Variants in EMID1 observed in about 807,000 individuals in gnomAD.
The protein encoded by EMID1 is EMI domain containing 1.
In EMID1, 40 loss-of-function variants were observed where a neutral mutation model predicts 60.6. The ratio of observed to expected loss-of-function variants is 0.66; its 90% CI spans 0.51 to 0.86. The LOEUF is 0.86. EMID1 is among the 40% of genes least tolerant of loss of function. The pLI, the probability that EMID1 is intolerant of heterozygous loss-of-function variation, is 0.00. For missense variants in EMID1, 585 were observed against 597.1 expected (o/e 0.98, Z 0.21); for synonymous variants, 242 against 231.0 (o/e 1.05, Z -0.43).
intron 3 of EMID1, among the ~76,000 whole-genome samples, chr22:29,217,192 G>A (rs2040120896): frequency 6.6e-6 from 1 of 152,258 alleles, no homozygotes; most frequent in Non-Finnish European, 1.5e-5. Flanking sequence ...TGGTCTCTGG[G>A]GCCTTCAAGG....
At chr22:29,241,745 G>GT (rs1490223787) in intron 12 of EMID1, among the ~76,000 whole-genome samples, 1 of 147,314 alleles carries the variant, frequency 6.8e-6, no homozygotes, top group Non-Finnish European at 1.5e-5. Flanking sequence ...GTTTTGTTTT[G>GT]TTTTTAAATC....
intron 14 of EMID1, among the ~76,000 whole-genome samples, 183 bp from the exon 15 acceptor site, chr22:29,258,634 G>A (rs975513107): frequency 1.3e-5 from 2 of 152,206 alleles, no homozygotes; most frequent in Admixed American, 6.5e-5. Flanking sequence ...GGGCTGGTAA[G>A]TCCTGGCGTG....
chr22:29,258,016 G>A (rs970967424), intron 14 of EMID1, among the ~76,000 whole-genome samples: 1 of 152,184 alleles, frequency 6.6e-6, no homozygotes, highest in African/African-American at 2.4e-5. Flanking sequence ...TCATGATTAC[G>A]ACGGACAGCC....
intron 3 of EMID1, among the ~76,000 whole-genome samples, chr22:29,223,748 ACAGAGCTGCCCTGTGCCT>A (rs1242964240): frequency 2.0e-5 from 3 of 152,176 alleles, no homozygotes; most frequent in African/African-American, 4.8e-5. Context: ...AAGAGGTAGC[ACAGAGCTGCCCTGTGCCT>A]CAGTTTCCCT....
At chr22:29,249,880 G>A (rs2041462652) in intron 13 of EMID1, among the ~76,000 whole-genome samples, 1 of 152,112 alleles carries the variant, frequency 6.6e-6, no homozygotes, top group African/African-American at 2.4e-5. Flanking sequence ...CTCCCAAAGT[G>A]CTGGGACTAC....
intron 12 of EMID1, among the ~76,000 whole-genome samples, chr22:29,238,958 G>C (rs560498242): frequency 6.9e-6 from 1 of 144,288 alleles, no homozygotes. Context: ...TTTGGTGTCT[G>C]ACATTTTTGG....
chr22:29,221,066 CGTGTGTGTGTGTGTGT>C (rs59651061), intron 3 of EMID1, among the ~76,000 whole-genome samples: 2,458 of 100,050 alleles, frequency 0.025, 81 homozygotes, highest in African/African-American at 0.068. Context: ...GGGGTGGGAA[CGTGTGTGTGTGTGTGT>C]GTGTGTGTGT....
intron 14 of EMID1, chr22:29,255,486 A>T: frequency 1.4e-6 from 1 of 713,886 alleles, no homozygotes; most frequent in Admixed American, 3.2e-5. Context: ...TCATCCAGCC[A>T]GCCAGCCAGC....
chr22:29,223,893 T>C (rs2040396325), intron 3 of EMID1, among the ~76,000 whole-genome samples: 1 of 152,248 alleles, frequency 6.6e-6, no homozygotes, highest in Non-Finnish European at 1.5e-5. Flanking sequence ...AAGAGTTGTC[T>C]GTTCTGATTA....
intron 5 of EMID1, 114 bp from the exon 6 acceptor site, chr22:29,230,906 C>T: frequency 7.2e-7 from 1 of 1,390,266 alleles, no homozygotes; most frequent in Middle Eastern, 1.9e-4. Flanking sequence ...CATGAGCCGT[C>T]ATAGTACTAC....
chr22:29,234,571 T>C (rs1161284407), intron 12 of EMID1, among the ~76,000 whole-genome samples: 3 of 152,200 alleles, frequency 2.0e-5, no homozygotes, highest in Admixed American at 6.5e-5. Context: ...TCTTTCCCTC[T>C]GTACGTCTGT....
chr22:29,243,771 G>A (rs1397070310), intron 13 of EMID1, among the ~76,000 whole-genome samples: 1 of 152,220 alleles, frequency 6.6e-6, no homozygotes, highest in East Asian at 1.9e-4. Context: ...CCAGGCCAGG[G>A]TGGCTCTGCC....
At position 29,232,321 on chromosome 22, in the gene EMID1, C is replaced by A. The variant is rs377342880; in HGVS notation, c.742C>A (p.Pro248Thr). ...GAVGTPGERGPPGPPGPPGPP... is the reference protein window; with the variant it reads ...GAVGTPGERGTPGPPGPPGPP... ...TGTGGGCACCCCTGGAGAGAGGGGA[C>A]CTCCTGGGCCACCAGGGCCTCCTGG... The change falls in exon 8 of 15, where the codon CCT becomes ACT. Residue 248 changes from proline to threonine, a missense_variant. Physicochemically the swap from Pro to Thr is conservative, Grantham distance 38. Transcript: ENST00000334018. 3.1e-6 allele frequency: 5 copies of A among 1,610,242 alleles called. No homozygotes were observed. In the Admixed American group the frequency reaches 5.0e-5, roughly 16 times the overall value.
At chr22:29,248,327 T>A (rs1398883073) in intron 13 of EMID1, among the ~76,000 whole-genome samples, 1 of 147,468 alleles carries the variant, frequency 6.8e-6, no homozygotes, top group Non-Finnish European at 1.5e-5. Context: ...AACACATACA[T>A]TAGCCTAGGC....
chr22:29,247,688 T>C (rs948297042), intron 13 of EMID1, among the ~76,000 whole-genome samples: 3 of 152,218 alleles, frequency 2.0e-5, no homozygotes, highest in Admixed American at 6.5e-5. Flanking sequence ...TGGAGTGCAG[T>C]GGTGTGATTT....
chr22:29,214,876 C>G, intron 1 of EMID1, 50 bp from the exon 2 acceptor site: 1 of 1,376,756 alleles, frequency 7.3e-7, no homozygotes, highest in Non-Finnish European at 9.8e-7. Context: ...GAGTCCCCAG[C>G]AGGGGACCCT....
chr22:29,207,247 G>C (rs764824408), intron 1 of EMID1, among the ~76,000 whole-genome samples: 2 of 152,258 alleles, frequency 1.3e-5, no homozygotes, highest in East Asian at 3.8e-4. Context: ...GCAGTTGTCT[G>C]AGACAGGGGT....
chr22:29,235,085 C>T (rs1026041298), intron 12 of EMID1, among the ~76,000 whole-genome samples: 10 of 152,044 alleles, frequency 6.6e-5, no homozygotes, highest in African/African-American at 1.9e-4. Context: ...CGGTGGCTTA[C>T]GCCTGTAATC....
intron 12 of EMID1, 98 bp downstream of exon 12, chr22:29,234,447 TC>T: frequency 2.2e-6 from 3 of 1,373,898 alleles, no homozygotes; most frequent in South Asian, 1.3e-5. Flanking sequence ...CTTCTAACCC[TC>T]CCTGTCTTGT....
Sources: gnomAD v4.1 joint callset for allele counts (sites outside exome capture counted in the v4.1 genomes callset) on GRCh38, gnomAD v4.1.1 for gene constraint, MANE v1.5 for transcripts, NCBI Gene and HGNC (gene_info 2026-07-23, HGNC 2026-07-21) for gene names.